Variants in TXNDC15 observed in about 807,000 individuals in gnomAD.
The protein encoded by TXNDC15 is thioredoxin domain-containing protein 15.
Under a neutral mutation model 35.0 loss-of-function variants are expected in TXNDC15, and 24 were observed. The ratio of observed to expected loss-of-function variants is 0.68; its 90% confidence interval spans 0.50 to 0.96. The LOEUF (loss-of-function observed/expected upper bound fraction) is 0.96, where lower values mean the gene tolerates loss of function less well. Ranked by LOEUF, TXNDC15 falls within the 40% of genes least tolerant of loss-of-function variation. TXNDC15 has a pLI of 0.00. For synonymous variants in TXNDC15, 169 were observed against 174.0 expected (o/e 0.97, Z 0.23); for missense variants, 385 against 453.3 (o/e 0.85, Z 1.37).
intron 1 of TXNDC15, among the ~76,000 whole-genome samples, chr5:134,879,376 A>C (rs1368836925): frequency 2.6e-5 from 4 of 152,110 alleles, no homozygotes; most frequent in African/African-American, 9.7e-5. Context: ...TTACTTGTGG[A>C]ATCTAGAATG....
At chr5:134,890,567 G>A (rs1750370630) in intron 2 of TXNDC15, among the ~76,000 whole-genome samples, 1 of 151,914 alleles carries the variant, frequency 6.6e-6, no homozygotes, top group African/African-American at 2.4e-5. Context: ...TGCTTCACAT[G>A]CCCAGCTAAT....
intron 1 of TXNDC15, among the ~76,000 whole-genome samples, chr5:134,880,518 C>T (rs188479557): frequency 0.011 from 1,735 of 151,908 alleles, 23 homozygotes; most frequent in Non-Finnish European, 0.015. Context: ...GTCACTGCAA[C>T]CTCCACCTCC....
chr5:134,891,718 A>C (rs978019324), intron 2 of TXNDC15, among the ~76,000 whole-genome samples: 4 of 152,166 alleles, frequency 2.6e-5, no homozygotes, highest in Non-Finnish European at 5.9e-5. Flanking sequence ...TAAACCTAGG[A>C]GTTCCAGACC....
chr5:134,893,650 C>A lies in TXNDC15; in HGVS notation c.750C>A (p.His250Gln). The A allele has an allele frequency of 6.2e-7, 1 of 1,614,150 alleles. No individual in the cohort carries two copies. Among genetic ancestry groups the A allele is most frequent in the Non-Finnish European group, 8.5e-7 (1 of 1,180,032 alleles). Residue 250 changes from histidine to glutamine, a missense_variant, in exon 3 of 5, where the codon CAC becomes CAA. His to Gln is a conservative substitution (Grantham distance 24). Transcript: ENST00000358387. Reference sequence around the variant, plus strand: ...TTTTGGCACTGGATGCATCTCAGCACAGCAGGTATCTTCCATTGGTGGGGT... The same window carrying A: ...TTTTGGCACTGGATGCATCTCAGCAAAGCAGGTATCTTCCATTGGTGGGGT... ...LHFLALDASQ[H>Q]SSLSTRFGTV...
At chr5:134,884,104 C>G (rs1473533496) in intron 1 of TXNDC15, among the ~76,000 whole-genome samples, 3 of 149,894 alleles carry the variant, frequency 2.0e-5, no homozygotes, top group Non-Finnish European at 4.4e-5. Context: ...CCTATAATCC[C>G]AGCTACTTGG....
intron 2 of TXNDC15, among the ~76,000 whole-genome samples, chr5:134,888,569 C>T (rs1347905214): frequency 2.0e-5 from 3 of 152,094 alleles, no homozygotes; most frequent in Non-Finnish European, 4.4e-5. Context: ...CTGCAACCTC[C>T]GCCTCCTGAG....
intron 2 of TXNDC15, 24 bp from the exon 3 acceptor site, chr5:134,893,468 T>G (rs750442437): frequency 6.2e-7 from 1 of 1,613,398 alleles, no homozygotes; most frequent in East Asian, 2.2e-5. Flanking sequence ...CTGCTAACTT[T>G]AATGCTTGTT....
chr5:134,874,473 C>T lies in TXNDC15; in HGVS notation c.46C>T (p.Leu16Phe), dbSNP rs370868437. Residue 16 changes from leucine (L) to phenylalanine (F), a missense_variant, in exon 1 of 5, where the codon CTC becomes TTC. By Grantham distance (22) the Leu-to-Phe change is conservative. Coordinates refer to ENST00000358387, the MANE Select transcript of TXNDC15 (RefSeq NM_024715.4). ...ACGACCGCCCCGCGTCATGCGGCTC[C>T]TCGGCTGGTGGCAAGTATTGCTGTG... is the stretch of plus-strand genomic sequence containing the variant. ...GRRPPRVMRLLGWWQVLLWVL... is the reference protein window; with the variant it reads ...GRRPPRVMRLFGWWQVLLWVL... 74 of 1,606,022 alleles carry T rather than the reference C, an allele frequency of 4.6e-5. No homozygotes were observed. Among genetic ancestry groups the T allele is most frequent in the Non-Finnish European group, 6.3e-5 (74 of 1,178,008 alleles).
chr5:134,880,368 G>A lies in TXNDC15; in HGVS notation c.103+5838G>A, dbSNP rs183054805. Among the ~76,000 whole-genome samples, 12 of 151,972 alleles carry A rather than the reference G, an allele frequency of 7.9e-5. 1 individual carries two copies. Among genetic ancestry groups the A allele is most frequent in the Admixed American group, 1.3e-4 (2 of 15,250 alleles). On this transcript the variant is annotated intron_variant, in intron 1 of 4. Transcript: ENST00000358387. Reference sequence around the variant, plus strand: ...AGTTCCTTGAAGATTTTTGTCATGTGGGTTCGCTGGTAATGAATTCTTTTA... The same window carrying A: ...AGTTCCTTGAAGATTTTTGTCATGTAGGTTCGCTGGTAATGAATTCTTTTA...
intron 2 of TXNDC15, among the ~76,000 whole-genome samples, chr5:134,889,221 G>GGT (rs988300028): frequency 6.6e-6 from 1 of 152,076 alleles, no homozygotes; most frequent in African/African-American, 2.4e-5. Flanking sequence ...TGGCAGGGAC[G>GGT]GTGTACCCTT....
chr5:134,884,877 TTTTACTTTG>T (rs930963867), intron 1 of TXNDC15, among the ~76,000 whole-genome samples: 40 of 152,166 alleles, frequency 2.6e-4, no homozygotes, highest in African/African-American at 9.4e-4. Context: ...CAGACATGAA[TTTTACTTTG>T]TTGAATGCTG....
chr5:134,897,131 G>A (rs1294238917), intron 4 of TXNDC15, among the ~76,000 whole-genome samples: 5 of 148,892 alleles, frequency 3.4e-5, no homozygotes, highest in Admixed American at 6.7e-5. Flanking sequence ...ACAGGGTTTC[G>A]CCTTATTGGC....
chr5:134,899,520 T>C lies in TXNDC15; in HGVS notation c.918T>C (p.Thr306=), dbSNP rs900826452. 1.9e-6 allele frequency: 3 copies of C among 1,613,674 alleles called. No homozygotes were observed. In the African/African-American group the frequency reaches 4.0e-5, roughly 22 times the overall value. The stretch of plus-strand genomic sequence containing the variant: ...AAGCCAAGAAGAATGTGGTGGTAAC[T>C]CAAGCCGACCAAATAGGCCCTCTTC... ...GIEAKKNVVV[T]QADQIGPLPS... The change falls in exon 5 of 5, where the codon ACT becomes ACC. Residue 306 remains threonine, a synonymous_variant. Transcript: ENST00000358387.
chr5:134,873,923 G>A (rs1375263909), upstream of TXNDC15: 2 of 152,550 alleles, frequency 1.3e-5, no homozygotes, highest in African/African-American at 4.8e-5. Flanking sequence ...AATATAACTG[G>A]GTATCAGGTA....
chr5:134,899,770 G>A lies in TXNDC15; in HGVS notation c.*85G>A. 1 of 1,141,272 alleles carries A rather than the reference G, an allele frequency of 8.8e-7. No individual in the cohort carries two copies. Among genetic ancestry groups the A allele is most frequent in the Non-Finnish European group, 1.2e-6 (1 of 817,406 alleles). The allele number at this position is 1,141,272 out of a possible 1,614,324, so 70.7% of individuals were successfully genotyped here. A position where few individuals can be genotyped will look rare whatever the true frequency, so the allele number is the denominator to read the frequency against. ...TACAGTTTCATACATTTTCTCCAGT[G>A]ACGTGTTGACTTGAAACTTCAGGCA... On this transcript the variant is annotated 3_prime_UTR_variant, in exon 5 of 5. Transcript: ENST00000358387.
chr5:134,887,854 G>T lies in TXNDC15; in HGVS notation c.263G>T (p.Gly88Val), dbSNP rs746807465. 6.2e-7 allele frequency: 1 copy of T among 1,614,196 alleles called. No individual in the cohort carries two copies. Among genetic ancestry groups the T allele is most frequent in the Non-Finnish European group, 8.5e-7 (1 of 1,180,038 alleles). Residue 88 changes from glycine to valine, a missense_variant, in exon 2 of 5, where the codon GGC becomes GTC. Transcript: ENST00000358387. ...ANAVLGLDTQ[G>V]DHMVMLSVIP... is the part of the protein sequence containing the mutation. ...GCGGTGCTGGGGCTGGACACCCAAG[G>T]CGATCACATGGTGATGCTGTCTGTG...
chr5:134,885,850 C>CTGTT (rs113645621), intron 1 of TXNDC15, among the ~76,000 whole-genome samples: 10,278 of 152,138 alleles, frequency 0.068, 755 homozygotes, highest in African/African-American at 0.19. Flanking sequence ...TATATATTAT[C>CTGTT]TATTTGGTTG....
chr5:134,881,982 G>A (rs1472608730), intron 1 of TXNDC15, among the ~76,000 whole-genome samples: 1 of 150,974 alleles, frequency 6.6e-6, no homozygotes, highest in Non-Finnish European at 1.5e-5. Flanking sequence ...GGTGGCTGCC[G>A]GGTGGAGACG....
At chr5:134,874,270 C>G (rs895045109), upstream of TXNDC15, 2 of 595,532 alleles carry the variant, frequency 3.4e-6, no homozygotes, top group African/African-American at 2.0e-5. Flanking sequence ...GGCTAGAGGC[C>G]GTCCGCCCGA....
Sources: gnomAD v4.1 joint callset for allele counts (sites outside exome capture counted in the v4.1 genomes callset) on GRCh38, gnomAD v4.1.1 for gene constraint, MANE v1.5 for transcripts, NCBI Gene and HGNC (gene_info 2026-07-23, HGNC 2026-07-21) for gene names.